The following GASK1B variants were observed in gnomAD, a reference collection of about 807,000 sequenced individuals.
GASK1B encodes golgi associated kinase 1B, also known as Golgi-associated kinase 1B.
A neutral mutation model predicts 42.8 loss-of-function variants in GASK1B; 34 were observed. That is an observed-to-expected ratio of 0.79 (90% CI 0.60 to 1.06). The LOEUF (loss-of-function observed/expected upper bound fraction) is 1.06. Among genes scored for constraint, GASK1B ranks in the 50% least tolerant of loss-of-function variants. The pLI is 0.00. For synonymous variants in GASK1B, 262 were observed against 259.1 expected (o/e 1.01, Z -0.11); for missense variants, 686 against 661.0 (o/e 1.04, Z -0.42).
chr4:158,130,726 G>T, intron 4 of GASK1B, 60 bp downstream of exon 4: 1 of 1,290,830 alleles, frequency 7.7e-7, no homozygotes, highest in Non-Finnish European at 1.1e-6. Context: ...AGTTTTCTCA[G>T]AACCTTGCTA....
At chr4:158,154,833 C>A (rs1731697551) in intron 3 of GASK1B, among the ~76,000 whole-genome samples, 1 of 152,014 alleles carries the variant, frequency 6.6e-6, no homozygotes, top group Non-Finnish European at 1.5e-5. Flanking sequence ...AAGAATGATA[C>A]AATGGACTTT....
intron 3 of GASK1B, among the ~76,000 whole-genome samples, chr4:158,146,216 G>A (rs995865791): frequency 2.0e-5 from 3 of 151,228 alleles, no homozygotes; most frequent in Non-Finnish European, 4.4e-5. Context: ...TGATAGAATT[G>A]TTACAAAGTT....
At chr4:158,134,808 C>T (rs1208341015) in intron 3 of GASK1B, among the ~76,000 whole-genome samples, 4 of 152,076 alleles carry the variant, frequency 2.6e-5, no homozygotes, top group African/African-American at 7.2e-5. Context: ...CTTATGCTTG[C>T]AGCACCTACA....
At chr4:158,159,374 C>T in intron 2 of GASK1B, 1 of 294,536 alleles carries the variant, frequency 3.4e-6, no homozygotes, top group Non-Finnish European at 6.8e-6. Context: ...CTCCAGATCT[C>T]AGAGCAATGA....
intron 2 of GASK1B, among the ~76,000 whole-genome samples, chr4:158,163,208 C>T (rs1732092790): frequency 6.6e-6 from 1 of 152,172 alleles, no homozygotes; most frequent in Non-Finnish European, 1.5e-5. Context: ...GATAAACCAA[C>T]TAAGAAAATC....
chr4:158,163,645 A>G (rs996364594), intron 2 of GASK1B, among the ~76,000 whole-genome samples: 2 of 151,992 alleles, frequency 1.3e-5, no homozygotes, highest in Non-Finnish European at 2.9e-5. Context: ...TTTCATTCTC[A>G]TGACAACTCT....
chr4:158,142,236 G>A (rs923739655), intron 3 of GASK1B, among the ~76,000 whole-genome samples: 1 of 152,154 alleles, frequency 6.6e-6, no homozygotes, highest in Non-Finnish European at 1.5e-5. Flanking sequence ...GAGCCACCGC[G>A]CCCGGCCGAT....
At chr4:158,133,208 T>A (rs138495358) in intron 3 of GASK1B, among the ~76,000 whole-genome samples, 1,856 of 152,286 alleles carry the variant, frequency 0.012, 37 homozygotes, top group African/African-American at 0.041. Context: ...TCACCCCTTT[T>A]TTTAAATACA....
At chr4:158,170,084 T>C (rs1732407569) in intron 2 of GASK1B, 3 of 697,754 alleles carry the variant, frequency 4.3e-6, no homozygotes, top group Admixed American at 5.9e-5. Context: ...CCTCCCATAG[T>C]AACCTATTTA....
intron 3 of GASK1B, among the ~76,000 whole-genome samples, chr4:158,152,441 GA>G (rs1357954929): frequency 6.6e-6 from 1 of 151,952 alleles, no homozygotes; most frequent in Non-Finnish European, 1.5e-5. Flanking sequence ...CCAATCCTAT[GA>G]CACTATTCCA....
chr4:158,170,016 AT>A (rs1179589581), intron 2 of GASK1B: 2 of 563,906 alleles, frequency 3.5e-6, no homozygotes, highest in Non-Finnish European at 6.2e-6. Flanking sequence ...GCTTAAGAAG[AT>A]TCCATCTGCT....
intron 3 of GASK1B, among the ~76,000 whole-genome samples, chr4:158,152,890 C>T (rs534348974): frequency 1.3e-5 from 2 of 152,270 alleles, no homozygotes; most frequent in African/African-American, 4.8e-5. Flanking sequence ...CCACAGCCAA[C>T]ATTACACTGA....
At chr4:158,131,685 T>G (rs1730689575) in intron 3 of GASK1B, among the ~76,000 whole-genome samples, 1 of 152,192 alleles carries the variant, frequency 6.6e-6, no homozygotes, top group African/African-American at 2.4e-5. Context: ...AAGAACTGTT[T>G]AATTCCATTT....
intron 3 of GASK1B, among the ~76,000 whole-genome samples, chr4:158,153,000 A>G (rs1362796023): frequency 6.6e-6 from 1 of 152,202 alleles, no homozygotes; most frequent in Non-Finnish European, 1.5e-5. Context: ...TCCTAGCCAG[A>G]GCAATTAGAA....
intron 2 of GASK1B, among the ~76,000 whole-genome samples, chr4:158,158,827 A>C (rs916070938): frequency 1.3e-5 from 2 of 152,118 alleles, no homozygotes; most frequent in Non-Finnish European, 2.9e-5. Context: ...GGTTATAGCA[A>C]TATCACTAAT....
At chr4:158,161,113 CA>C (rs890845255) in intron 2 of GASK1B, among the ~76,000 whole-genome samples, 3 of 149,866 alleles carry the variant, frequency 2.0e-5, no homozygotes, top group East Asian at 1.9e-4. Flanking sequence ...ATGTTTCACC[CA>C]AAAAAAATCA....
intron 3 of GASK1B, among the ~76,000 whole-genome samples, chr4:158,147,647 A>T (rs148269678): frequency 2.0e-5 from 3 of 151,890 alleles, no homozygotes; most frequent in African/African-American, 2.4e-5. Context: ...TTAAAAAAAA[A>T]CTTGTATGAT....
At chr4:158,156,587 A>T (rs935177502) in intron 2 of GASK1B, among the ~76,000 whole-genome samples, 1 of 152,180 alleles carries the variant, frequency 6.6e-6, no homozygotes, top group South Asian at 2.1e-4. Flanking sequence ...AAACTTTACA[A>T]AGAATTATGA....
At chr4:158,138,579 C>T (rs1011505688) in intron 3 of GASK1B, among the ~76,000 whole-genome samples, 2 of 151,898 alleles carry the variant, frequency 1.3e-5, no homozygotes, top group Non-Finnish European at 2.9e-5. Context: ...CACTGAAAAC[C>T]TTCTTTTGCT....
Sources: gnomAD v4.1 joint callset for allele counts (sites outside exome capture counted in the v4.1 genomes callset) on GRCh38, gnomAD v4.1.1 for gene constraint, MANE v1.5 for transcripts, NCBI Gene and HGNC (gene_info 2026-07-23, HGNC 2026-07-21) for gene names.